PHF12: variants seen among roughly 807,000 people sequenced by gnomAD.
PHF12 encodes PHD finger protein 12, also known as PHD factor 1.
In PHF12, 6 loss-of-function variants were observed where a neutral mutation model predicts 99.8. The observed-to-expected ratio is 0.06, with a 90% CI of 0.03 to 0.12. The LOEUF (loss-of-function observed/expected upper bound fraction) is 0.12, where lower values mean the gene tolerates loss of function less well. Among genes scored for constraint, PHF12 ranks in the 10% least tolerant of loss-of-function variants. PHF12 has a pLI of 1.00. For synonymous variants in PHF12, 480 were observed against 514.9 expected (o/e 0.93, Z 0.92); for missense variants, 954 against 1,300.1 (o/e 0.73, Z 4.09).
At chr17:28,927,084 C>A (rs377509974) in intron 2 of PHF12, 21 bp from the exon 3 acceptor site, 33 of 1,603,846 alleles carry the variant, frequency 2.1e-5, no homozygotes, top group Admixed American at 3.3e-5. Flanking sequence ...CAGACAAGGG[C>A]AAGACTAAAT....
Position 28,950,973 on chromosome 17 carries a change from C to T in PHF12, c.-13G>A, listed in dbSNP as rs1290736599. 6 of 1,613,710 alleles carry T rather than the reference C, an allele frequency of 3.7e-6. No individual in the cohort carries two copies. Among genetic ancestry groups the T allele is most frequent in the African/African-American group, 2.7e-5 (2 of 74,894 alleles). ...TTTTCTCCCACATTCATCCACCTCC[C>T]GGGCTGGGTGCTCTCTGCTCCGGCC... On this transcript the variant is annotated 5_prime_UTR_variant, in exon 1 of 15. Coordinates refer to ENST00000332830, the MANE Select transcript of PHF12 (RefSeq NM_001033561.2). The surrounding 1 kb of genome is among the most constrained non-coding windows in gnomAD (Gnocchi z 5.7).
intron 2 of PHF12, among the ~76,000 whole-genome samples, chr17:28,946,632 A>C (rs2040727334): frequency 6.6e-6 from 1 of 152,252 alleles, no homozygotes; most frequent in Non-Finnish European, 1.5e-5. Flanking sequence ...CTTATCCCAC[A>C]GAGCTTTGGA....
In PHF12 at chr17:28,914,045, GGATA is replaced by G. The variant is rs1452934937; in HGVS notation, c.1135-12_1135-9del. The G allele has an allele frequency of 6.3e-7, 1 of 1,594,506 alleles. No homozygotes were observed. Among genetic ancestry groups the G allele is most frequent in the East Asian group, 2.3e-5 (1 of 44,344 alleles). On this transcript the variant is annotated splice_polypyrimidine_tract_variant and intron_variant, in intron 7 of 14. Transcript: ENST00000332830. ...TTTTATAGCATCAGGAACCTGTTCA[GGATA>G]GATAGAAGGAGGAAGGAGAGGGAGA...
rs548277268 is a variant in PHF12 at position 28,920,398 on chromosome 17, T to C, written c.837-1123A>G. On this transcript the variant is annotated intron_variant, in intron 5 of 14. Coordinates refer to ENST00000332830, the MANE Select transcript of PHF12 (RefSeq NM_001033561.2). ...CTGGTTTCTGTCAAAGAGATCCTAT[T>C]TGAAGGAAACCAGTGTCCCAGAGAC... Among the ~76,000 whole-genome samples the C allele has an allele frequency of 4.3e-4, 66 of 152,332 alleles. 1 individual carries two copies. The South Asian group carries it at 9.3e-3, about 22-fold the overall frequency.
In PHF12 at chr17:28,924,232, G is replaced by C; in HGVS notation, c.392C>G (p.Ser131Cys). The C allele has an allele frequency of 6.2e-7, 1 of 1,614,222 alleles. No homozygotes were observed. The highest frequency in any genetic ancestry group is 1.6e-4 in the Middle Eastern group (1 of 6,062). ...LVDKSGKRTT[S>C]PSSDTDLLDR... is the part of the protein sequence containing the mutation. ...CAACAAGTCAGTGTCACTGCTGGGG[G>C]ATGTAGTCCGTTTGCCAGATTTGTC... The change falls in exon 4 of 15, where the codon TCC becomes TGC. Residue 131 changes from serine (S) to cysteine (C), a missense_variant. This residue lies in a region of PHF12 where 109 missense variants were observed against 145.4 expected (regional missense o/e 0.75). Coordinates refer to ENST00000332830, the MANE Select transcript of PHF12 (RefSeq NM_001033561.2).
chr17:28,939,192 C>T (rs2040567522), intron 2 of PHF12, among the ~76,000 whole-genome samples: 1 of 152,210 alleles, frequency 6.6e-6, no homozygotes, highest in Non-Finnish European at 1.5e-5. Context: ...AAGTGTCACC[C>T]ATGCCAGGCA....
At chr17:28,919,091 T>G in intron 6 of PHF12, 52 bp downstream of exon 6, 2 of 1,577,448 alleles carry the variant, frequency 1.3e-6, no homozygotes, top group Non-Finnish European at 1.7e-6. Flanking sequence ...TGCTAATCAG[T>G]CCACGCTCCA....
rs1567945911 is a variant in PHF12, at chr17:28,906,523, A to C, written c.2681-6T>G. 2 of 1,588,858 alleles carry C rather than the reference A, an allele frequency of 1.3e-6. No homozygotes were observed. The highest frequency in any genetic ancestry group is 1.7e-6 in the Non-Finnish European group (2 of 1,163,532). Reference sequence around the variant, plus strand: ...TTTCTGGTGCCGGCGGCGCCCTGGGAAAAAGGGGGATGGTCACAGAAGAGG... The same window carrying C: ...TTTCTGGTGCCGGCGGCGCCCTGGGCAAAAGGGGGATGGTCACAGAAGAGG... On this transcript the variant is annotated splice_region_variant and splice_polypyrimidine_tract_variant and intron_variant, in intron 14 of 14. Transcript: ENST00000332830. This position sits in a 1 kb window ranked among gnomAD's most constrained non-coding sequence, Gnocchi z 4.2.
rs531037853 is a variant in PHF12 at position 28,949,707 on chromosome 17, C to T, written c.248+358G>A. On this transcript the variant is annotated intron_variant, in intron 2 of 14. Transcript: ENST00000332830. This position sits in a 1 kb window ranked among gnomAD's most constrained non-coding sequence, Gnocchi z 4.6. Reference sequence around the variant, plus strand: ...GGCCGGGCAGGAGCCCCGAGGGCAGCGGGCGCGCGGGCAGGCAAGCGGCAC... The same window carrying T: ...GGCCGGGCAGGAGCCCCGAGGGCAGTGGGCGCGCGGGCAGGCAAGCGGCAC... 1,296 of 183,510 alleles carry T rather than the reference C, an allele frequency of 7.1e-3. 20 individuals are homozygous for T. The highest frequency in any genetic ancestry group is 0.029 in the African/African-American group (1,239 of 42,630). The allele number at this position is 183,510 out of a possible 1,614,324, so 11.4% of individuals were successfully genotyped here.
intron 3 of PHF12, chr17:28,926,207 A>G (rs2040269939): frequency 6.4e-6 from 1 of 155,106 alleles, no homozygotes; most frequent in Non-Finnish European, 1.4e-5. Flanking sequence ...TAATCATCTC[A>G]TCCTGTTTCT....
At chr17:28,939,631 A>G (rs2040577243) in intron 2 of PHF12, among the ~76,000 whole-genome samples, 1 of 152,278 alleles carries the variant, frequency 6.6e-6, no homozygotes, top group African/African-American at 2.4e-5. Context: ...TTATTTCATA[A>G]TGCAGAGGCT....
chr17:28,908,296 G>C (rs1057168734), intron 12 of PHF12: 2 of 162,994 alleles, frequency 1.2e-5, no homozygotes, highest in African/African-American at 4.8e-5. Context: ...CAAAGCAAAA[G>C]GGCCTGAACA....
At chr17:28,912,325 G>A in intron 9 of PHF12, 157 bp downstream of exon 9, 2 of 1,408,838 alleles carry the variant, frequency 1.4e-6, no homozygotes, top group Non-Finnish European at 1.8e-6. Context: ...AAGTTAACAT[G>A]TGCTTCCTCT....
At chr17:28,927,181 G>C (rs1051593773) in intron 2 of PHF12, 118 bp from the exon 3 acceptor site, 18 of 865,016 alleles carry the variant, frequency 2.1e-5, no homozygotes, top group Non-Finnish European at 2.7e-5. Flanking sequence ...AGGACTGCTA[G>C]GGTTGTCTCC....
At position 28,921,732 on chromosome 17, in the gene PHF12, A is replaced by G. The variant is rs202037042; in HGVS notation, c.792T>C (p.Asn264=). The change falls in exon 5 of 15, where the codon AAT becomes AAC. Residue 264 remains asparagine, a synonymous_variant. Coordinates refer to ENST00000332830, the MANE Select transcript of PHF12 (RefSeq NM_001033561.2). ...VKKTQHELDH[N]GLVPLPVKVC... Reference sequence around the variant, plus strand: ...CTTTGACGGGTAAGGGAACGAGACCATTGTGATCTAATTCATGCTGTGTCT... The same window carrying G: ...CTTTGACGGGTAAGGGAACGAGACCGTTGTGATCTAATTCATGCTGTGTCT... 9.9e-6 allele frequency: 16 copies of G among 1,614,104 alleles called. No homozygotes were observed. The East Asian group carries it at 3.6e-4, about 36-fold the overall frequency.
In PHF12 at chr17:28,910,180, T is replaced by C. The variant is rs769482097; in HGVS notation, c.2359+46A>G. On this transcript the variant is annotated intron_variant, in intron 11 of 14. Transcript: ENST00000332830. ...GAGGCAAGGTGACCATTCGCACACG[T>C]AGAGGGGAGATCTGATGATGTGGTG... 11 of 1,613,664 alleles carry C rather than the reference T, an allele frequency of 6.8e-6. No individual in the cohort carries two copies. In the South Asian group the frequency reaches 8.8e-5, roughly 13 times the overall value.
intron 9 of PHF12, 121 bp downstream of exon 9, chr17:28,912,361 A>C (rs1214636961): frequency 1.4e-6 from 2 of 1,431,280 alleles, no homozygotes; most frequent in Admixed American, 6.0e-5. Context: ...AGAGTAAGAC[A>C]AACAATACAA....
In PHF12 at chr17:28,912,826, G is replaced by GGCCAGC. The variant is rs1567950813; in HGVS notation, c.1739_1744dup (p.Trp581_Pro582insArgTrp). The GGCCAGC allele has an allele frequency of 6.2e-7, 1 of 1,608,542 alleles. No homozygotes were observed. Among genetic ancestry groups the GGCCAGC allele is most frequent in the Admixed American group, 1.7e-5 (1 of 59,608 alleles). ...AGCCGCTGGTGGCGTGAGGGGCCGGGGCCAGCCTTGCCGGTGTGAGAGGCC... is the reference window on the plus strand; with the variant it reads ...AGCCGCTGGTGGCGTGAGGGGCCGGGGCCAGCGCCAGCCTTGCCGGTGTGAGAGGCC... On this transcript the variant is annotated inframe_insertion, in exon 9 of 15. Transcript: ENST00000332830.
rs2040768899 is a variant in PHF12 at position 28,949,350 on chromosome 17, A to G, written c.248+715T>C. ...GGAAGGAAGGCAGCTCTGAGAGGCA[A>G]CAGGGGGCAAGCGGAGGCAGAGAAA... On this transcript the variant is annotated intron_variant, in intron 2 of 14. Transcript: ENST00000332830. This position sits in a 1 kb window ranked among gnomAD's most constrained non-coding sequence, Gnocchi z 4.6. Among the ~76,000 whole-genome samples, 1 of 152,156 alleles carries G rather than the reference A, an allele frequency of 6.6e-6. No individual in the cohort carries two copies. Among genetic ancestry groups the G allele is most frequent in the Non-Finnish European group, 1.5e-5 (1 of 68,002 alleles).
Sources: allele counts gnomAD v4.1 joint callset (sites outside exome capture counted in the v4.1 genomes callset), GRCh38; gene constraint gnomAD v4.1.1; regional missense constraint gnomAD v4.1.1; non-coding constraint Gnocchi (gnomAD v3.1); transcripts MANE v1.5; gene names NCBI Gene and HGNC (gene_info 2026-07-23, HGNC 2026-07-21).